The following PFKFB4 variants were observed in gnomAD, a reference collection of about 807,000 sequenced individuals.
PFKFB4 encodes the protein 6-phosphofructo-2-kinase/fructose-2,6-bisphosphatase 4.
In PFKFB4, 42 loss-of-function variants were observed where a neutral mutation model predicts 62.8. That is an observed-to-expected ratio of 0.67 (90% confidence interval 0.52 to 0.86). PFKFB4 has a LOEUF of 0.86. Ranked by LOEUF, PFKFB4 falls within the 40% of genes least tolerant of loss-of-function variation. The probability of loss-of-function intolerance (pLI) is 0.00; values close to 1 mark genes in which losing one functional copy is unlikely to be tolerated. For missense variants in PFKFB4, 475 were observed against 627.2 expected (o/e 0.76, Z 2.59); for synonymous variants, 204 against 240.7 (o/e 0.85, Z 1.41).
intron 6 of PFKFB4, 129 bp downstream of exon 6, chr3:48,539,125 C>T: frequency 1.3e-6 from 1 of 751,570 alleles, no homozygotes; most frequent in African/African-American, 1.7e-5. Context: ...GCATACCTGA[C>T]CCAGCATTTG....
chr3:48,521,899 C>A lies in PFKFB4; in HGVS notation c.1350+87G>T. 1 of 1,124,680 alleles carries A rather than the reference C, an allele frequency of 8.9e-7. No homozygotes were observed. The highest frequency in any genetic ancestry group is 1.5e-5 in the African/African-American group (1 of 65,702). The allele number at this position is 1,124,680 out of a possible 1,614,324, so 69.7% of individuals were successfully genotyped here. ...CTCAAGCTCCCTCTGGCAGGTGCCG[C>A]AGCTGGGCCTGGCCCTGGAGGATGT... On this transcript the variant is annotated intron_variant, in intron 13 of 13. Transcript: ENST00000232375. The surrounding 1 kb of genome is among the most constrained non-coding windows in gnomAD (Gnocchi z 5.3).
At chr3:48,535,360 C>T (rs1357228465) in intron 9 of PFKFB4, 152 bp downstream of exon 9, 5 of 699,718 alleles carry the variant, frequency 7.1e-6, no homozygotes, top group South Asian at 5.9e-5. Context: ...TGTTAGGCTG[C>T]CTTTTCCTCT....
At chr3:48,530,027 T>C (rs918515536) in intron 9 of PFKFB4, among the ~76,000 whole-genome samples, 4 of 151,300 alleles carry the variant, frequency 2.6e-5, no homozygotes, top group Middle Eastern at 3.4e-3. Flanking sequence ...CCAAGGCGGG[T>C]GGATCACCTG....
chr3:48,544,871 G>A (rs369520201), intron 3 of PFKFB4, among the ~76,000 whole-genome samples: 5 of 151,834 alleles, frequency 3.3e-5, no homozygotes, highest in South Asian at 2.1e-4. Context: ...TTATGGGCAC[G>A]TGCCACCACA....
chr3:48,542,290 C>A (rs1326661508), intron 4 of PFKFB4, among the ~76,000 whole-genome samples: 1 of 147,674 alleles, frequency 6.8e-6, no homozygotes, highest in Non-Finnish European at 1.5e-5. Context: ...GCCGAGATCA[C>A]GCCACTGCAC....
rs1039114811 is a variant in PFKFB4 at position 48,519,614 on chromosome 3, G to T, written c.*133C>A. ...CAGGTGGGCTGGGGTGGGGGCTCTGGGTTCCGCCAGCCATGTGTGGCTTCA... is the reference window on the plus strand; with the variant it reads ...CAGGTGGGCTGGGGTGGGGGCTCTGTGTTCCGCCAGCCATGTGTGGCTTCA... On this transcript the variant is annotated 3_prime_UTR_variant, in exon 14 of 14. Transcript: ENST00000232375. 1 of 717,170 alleles carries T rather than the reference G, an allele frequency of 1.4e-6. No individual in the cohort carries two copies. The highest frequency in any genetic ancestry group is 1.8e-5 in the African/African-American group (1 of 57,134). The allele number at this position is 717,170 out of a possible 1,614,324, so 44.4% of individuals were successfully genotyped here.
intron 3 of PFKFB4, 27 bp downstream of exon 3, chr3:48,549,837 C>G (rs1472365671): frequency 2.1e-6 from 3 of 1,404,724 alleles, no homozygotes; most frequent in Non-Finnish European, 3.0e-6. Flanking sequence ...AGCAACCTCT[C>G]CCCCCACACC....
chr3:48,534,950 A>T (rs1255623546), intron 9 of PFKFB4, among the ~76,000 whole-genome samples: 1 of 152,048 alleles, frequency 6.6e-6, no homozygotes, highest in Non-Finnish European at 1.5e-5. Flanking sequence ...GTGGGATTAC[A>T]GGTACCCACC....
intron 9 of PFKFB4, among the ~76,000 whole-genome samples, 191 bp downstream of exon 9, chr3:48,535,321 T>TG (rs563733652): frequency 1.3e-5 from 2 of 152,252 alleles, no homozygotes; most frequent in African/African-American, 4.8e-5. Context: ...CTCCTGAGAA[T>TG]GGTCTAGGGC....
chr3:48,537,217 T>C (rs1419927683), intron 7 of PFKFB4, among the ~76,000 whole-genome samples: 1 of 152,176 alleles, frequency 6.6e-6, no homozygotes, highest in African/African-American at 2.4e-5. Flanking sequence ...GCTCTCACTG[T>C]CTGGACCTTG....
chr3:48,560,825 C>A (rs2043420546), upstream of PFKFB4, among the ~76,000 whole-genome samples: 1 of 152,104 alleles, frequency 6.6e-6, no homozygotes, highest in Non-Finnish European at 1.5e-5. Flanking sequence ...GTCCCTCCCC[C>A]TGGGCTGGAG....
At chr3:48,536,212 A>T (rs1575375468) in intron 8 of PFKFB4, 44 bp downstream of exon 8, 1 of 1,557,806 alleles carries the variant, frequency 6.4e-7, no homozygotes, top group East Asian at 2.3e-5. Flanking sequence ...CACGCAGGGT[A>T]CAAATGCAGG....
upstream of PFKFB4, chr3:48,561,156 C>T: frequency 8.4e-7 from 1 of 1,185,338 alleles, no homozygotes; most frequent in South Asian, 1.3e-5. The surrounding 1 kb of genome is among the most constrained non-coding windows in gnomAD (Gnocchi z 5.2). Context: ...CCCTGCAGCT[C>T]CAGAGTGGGG....
chr3:48,531,057 GA>G (rs1205423854), intron 9 of PFKFB4, among the ~76,000 whole-genome samples: 1 of 151,246 alleles, frequency 6.6e-6, no homozygotes. Context: ...AAATAAAAGG[GA>G]AAAAATATAA....
At chr3:48,544,444 T>C (rs1328232513) in intron 3 of PFKFB4, among the ~76,000 whole-genome samples, 3 of 143,582 alleles carry the variant, frequency 2.1e-5, no homozygotes, top group African/African-American at 7.8e-5. Context: ...TTCAGATCTT[T>C]TTTTTTTTTT....
chr3:48,540,278 G>T (rs1423629703), intron 4 of PFKFB4, among the ~76,000 whole-genome samples: 1 of 152,238 alleles, frequency 6.6e-6, no homozygotes, highest in South Asian at 2.1e-4. Flanking sequence ...GAGATCCACG[G>T]TGACGGACTC....
At chr3:48,540,978 T>C (rs2042781356) in intron 4 of PFKFB4, among the ~76,000 whole-genome samples, 3 of 152,092 alleles carry the variant, frequency 2.0e-5, no homozygotes, top group South Asian at 4.2e-4. Context: ...GGTTTCACCA[T>C]GTTGGGCAGG....
intron 1 of PFKFB4, 21 bp from the exon 2 acceptor site, chr3:48,550,255 T>C (rs1448215162): frequency 6.5e-7 from 1 of 1,529,698 alleles, no homozygotes; most frequent in African/African-American, 1.4e-5. Flanking sequence ...AGCAGCACAG[T>C]GTCAGATGAG....
rs551662915 is a variant in PFKFB4, at chr3:48,537,140, C to T, written c.633-677G>A. On this transcript the variant is annotated intron_variant, in intron 7 of 13. Coordinates refer to ENST00000232375, the MANE Select transcript of PFKFB4 (RefSeq NM_004567.4). ...CAGCTTGGACAGCACATTGATCAGT[C>T]TCTGGGTGTGGGGGTGCAGGGTGGG... 3.9e-5 allele frequency among the ~76,000 whole-genome samples: 6 copies of T among 152,314 alleles called. No homozygotes were observed. In the East Asian group the frequency reaches 9.6e-4, roughly 24 times the overall value.
Sources: allele counts gnomAD v4.1 joint callset (sites outside exome capture counted in the v4.1 genomes callset), GRCh38; gene constraint gnomAD v4.1.1; non-coding constraint Gnocchi (gnomAD v3.1); transcripts MANE v1.5; gene names NCBI Gene and HGNC (gene_info 2026-07-23, HGNC 2026-07-21).